Variants in PIGN observed in about 807,000 individuals in gnomAD.
PIGN encodes phosphatidylinositol glycan anchor biosynthesis class N, also known as GPI ethanolamine phosphate transferase 1.
Under a neutral mutation model 125.4 loss-of-function variants are expected in PIGN, and 117 were observed. That is an observed-to-expected ratio of 0.93 (90% CI 0.80 to 1.09). The LOEUF (loss-of-function observed/expected upper bound fraction) is 1.09. Among genes scored for constraint, PIGN ranks in the 50% least tolerant of loss-of-function variants. The pLI is 0.00. For missense variants in PIGN, 1,075 were observed against 1,094.9 expected, an observed-to-expected ratio of 0.98 and a Z score of 0.26; for synonymous variants, 392 against 377.8, an observed-to-expected ratio of 1.04 and a Z score of -0.44.
chr18:62,063,247 T>C (rs944239137), intron 30 of PIGN, among the ~76,000 whole-genome samples: 7 of 151,204 alleles, frequency 4.6e-5, no homozygotes, highest in African/African-American at 1.7e-4. Flanking sequence ...CCAAAATCTA[T>C]GGTTTTATAG....
intron 17 of PIGN, 101 bp from the exon 18 acceptor site, chr18:62,107,186 T>G: frequency 1.4e-6 from 1 of 737,178 alleles, no homozygotes; most frequent in Non-Finnish European, 2.3e-6. Context: ...AATTTTCCAT[T>G]TATAGATTAT....
intron 30 of PIGN, among the ~76,000 whole-genome samples, chr18:62,049,731 T>C (rs1421457503): frequency 6.6e-6 from 1 of 151,744 alleles, no homozygotes; most frequent in South Asian, 2.1e-4. Flanking sequence ...ATTTTGGCTT[T>C]TGTTGCCATT....
intron 1 of PIGN, among the ~76,000 whole-genome samples, chr18:62,183,037 G>A (rs1203991447): frequency 2.0e-5 from 3 of 152,116 alleles, no homozygotes. Flanking sequence ...GTACAGCATG[G>A]TGACTCTAGT....
intron 14 of PIGN, among the ~76,000 whole-genome samples, chr18:62,115,490 T>C (rs1381865429): frequency 6.6e-6 from 1 of 152,176 alleles, no homozygotes; most frequent in African/African-American, 2.4e-5. Flanking sequence ...TTAGGTTGGA[T>C]CACATGAAAT....
chr18:62,082,791 G>A, intron 27 of PIGN, 45 bp from the exon 28 acceptor site: 2 of 1,031,584 alleles, frequency 1.9e-6, no homozygotes, highest in Non-Finnish European at 2.9e-6. Context: ...TGAAGCATCT[G>A]AAACACTTTT....
At chr18:62,031,764 A>G (rs1382788381) in intron 23 of PIGN, among the ~76,000 whole-genome samples, 3 of 152,102 alleles carry the variant, frequency 2.0e-5, no homozygotes, top group East Asian at 1.9e-4. Flanking sequence ...GATTTGAGTG[A>G]TATGTGTCAA....
chr18:62,039,674 G>C (rs9949336), downstream of PIGN, among the ~76,000 whole-genome samples: 821 of 120,638 alleles, frequency 6.8e-3, 25 homozygotes, highest in East Asian at 0.031. Flanking sequence ...CCCATGTTTA[G>C]GGCCCATCCA....
At chr18:62,058,221 T>C (rs2031867281) in intron 30 of PIGN, among the ~76,000 whole-genome samples, 1 of 152,266 alleles carries the variant, frequency 6.6e-6, no homozygotes, top group Admixed American at 6.5e-5. Flanking sequence ...CTCTCTTCTC[T>C]TGATGTTAAA....
In PIGN at chr18:62,090,720, G is replaced by T. The variant is rs1599494746; in HGVS notation, c.2181-142C>A. On this transcript the variant is annotated intron_variant, in intron 23 of 30. Coordinates refer to ENST00000640252, the MANE Select transcript of PIGN (RefSeq NM_176787.5). ...CAATATTACAAAACTTAAGAAGAAA[G>T]TAGGAAAGTAATATTTAAATTTTAA... 5 of 541,446 alleles carry T rather than the reference G, an allele frequency of 9.2e-6. No homozygotes were observed. In the East Asian group the frequency reaches 1.6e-4, roughly 17 times the overall value. 33.5% of individuals were successfully genotyped at this position (541,446 alleles called of 1,614,324 possible). A position where few individuals can be genotyped will look rare whatever the true frequency, so the allele number is the denominator to read the frequency against.
At chr18:62,127,637 A>G (rs2035582806) in intron 14 of PIGN, among the ~76,000 whole-genome samples, 1 of 152,138 alleles carries the variant, frequency 6.6e-6, no homozygotes, top group Admixed American at 6.5e-5. Context: ...CAATGGTGCA[A>G]GACCTTATCA....
chr18:62,077,397 C>G (rs1599465148), intron 28 of PIGN, among the ~76,000 whole-genome samples: 1 of 152,038 alleles, frequency 6.6e-6, no homozygotes, highest in Non-Finnish European at 1.5e-5. Flanking sequence ...AACAAACAAA[C>G]AAAACCTTTA....
intron 14 of PIGN, among the ~76,000 whole-genome samples, chr18:62,119,979 A>T (rs556180491): frequency 1.3e-5 from 2 of 152,324 alleles, no homozygotes; most frequent in African/African-American, 4.8e-5. Flanking sequence ...AAACAGGTCT[A>T]ATATGAATGT....
intron 2 of PIGN, among the ~76,000 whole-genome samples, chr18:62,162,810 A>C (rs1397117062): frequency 6.6e-6 from 1 of 152,156 alleles, no homozygotes; most frequent in Non-Finnish European, 1.5e-5. Context: ...TTAGAATAAT[A>C]ATCACTGTCC....
At chr18:62,137,017 G>T in intron 14 of PIGN, 2 of 398,512 alleles carry the variant, frequency 5.0e-6, no homozygotes, top group South Asian at 2.6e-4. Flanking sequence ...GTATGTCTGT[G>T]ACATTGTTGC....
intron 14 of PIGN, among the ~76,000 whole-genome samples, chr18:62,129,644 C>T (rs1286166462): frequency 1.3e-5 from 2 of 151,994 alleles, no homozygotes; most frequent in Admixed American, 6.6e-5. Flanking sequence ...TCTATATGTT[C>T]CCATTAGACT....
chr18:62,032,304 A>G (rs191458863), intron 23 of PIGN, among the ~76,000 whole-genome samples: 9 of 152,356 alleles, frequency 5.9e-5, no homozygotes, highest in Non-Finnish European at 1.2e-4. Flanking sequence ...AATTGCTTAA[A>G]AATAGACAAC....
chr18:62,041,623 A>G lies in PIGN; in HGVS notation c.*4233T>C. Reference sequence around the variant, plus strand: ...GCTCCTGAGTAGCAAGGATTACAGGAGCCTACCACCCCGCCGGGTGTGTGT... The same window carrying G: ...GCTCCTGAGTAGCAAGGATTACAGGGGCCTACCACCCCGCCGGGTGTGTGT... On this transcript the variant is annotated 3_prime_UTR_variant, in exon 31 of 31. Coordinates refer to ENST00000640252, the MANE Select transcript of PIGN (RefSeq NM_176787.5). The G allele has an allele frequency of 7.2e-6, 1 of 137,960 alleles. No homozygotes were observed. Among genetic ancestry groups the G allele is most frequent in the South Asian group, 2.3e-4 (1 of 4,388 alleles). The allele number at this position is 137,960 out of a possible 1,614,324, so 8.5% of individuals were successfully genotyped here.
At chr18:62,064,244 T>C (rs2032372968) in intron 30 of PIGN, among the ~76,000 whole-genome samples, 1 of 152,198 alleles carries the variant, frequency 6.6e-6, no homozygotes, top group Non-Finnish European at 1.5e-5. Flanking sequence ...TATCATTATG[T>C]CTTTAAACCT....
intron 1 of PIGN, among the ~76,000 whole-genome samples, chr18:62,166,232 G>A (rs1389963773): frequency 1.3e-5 from 2 of 152,146 alleles, no homozygotes; most frequent in Admixed American, 6.5e-5. Flanking sequence ...ATTGGTTGCA[G>A]GCAAACTGGT....
Sources: gnomAD v4.1 joint callset for allele counts (sites outside exome capture counted in the v4.1 genomes callset) on GRCh38, gnomAD v4.1.1 for gene constraint, MANE v1.5 for transcripts, NCBI Gene and HGNC (gene_info 2026-07-23, HGNC 2026-07-21) for gene names.